STAB2: variants seen among roughly 807,000 people sequenced by gnomAD.
STAB2 encodes stabilin 2, also known as stabilin-2.
In STAB2, 288 loss-of-function variants were observed where a neutral mutation model predicts 338.1. The observed-to-expected ratio is 0.85, with a 90% confidence interval of 0.77 to 0.94. STAB2 has a LOEUF of 0.94. STAB2 is among the 40% of genes least tolerant of loss of function. The probability of loss-of-function intolerance (pLI) is 0.00; values close to 1 mark genes in which losing one functional copy is unlikely to be tolerated. For missense variants in STAB2, 3,141 were observed against 3,210.1 expected (o/e 0.98, Z 0.52); for synonymous variants, 1,202 against 1,193.3 (o/e 1.01, Z -0.15).
chr12:103,652,683 G>C lies in STAB2; in HGVS notation c.1385G>C (p.Gly462Ala). Residue 462 changes from glycine (G) to alanine (A), a missense_variant, in exon 12 of 69, where the codon GGG (glycine) becomes GCG (alanine). Transcript: ENST00000388887. ...TTCTACACCTTGACTGGAAAGTCGG[G>C]GGAAATCTTCAACAGCGATAAGGTA... ...DMFYTLTGKS[G>A]EIFNSDKDNQ... 1.2e-6 allele frequency: 2 copies of C among 1,600,258 alleles called. No homozygotes were observed. Among genetic ancestry groups the C allele is most frequent in the Non-Finnish European group, 1.7e-6 (2 of 1,174,486 alleles).
intron 44 of STAB2, among the ~76,000 whole-genome samples, chr12:103,718,700 GT>G: frequency 6.6e-6 from 1 of 152,316 alleles, no homozygotes; most frequent in East Asian, 1.9e-4. Flanking sequence ...GACATAGAGA[GT>G]TTTGAGAAGT....
intron 3 of STAB2, among the ~76,000 whole-genome samples, chr12:103,610,941 A>G (rs888840855): frequency 2.0e-5 from 3 of 152,196 alleles, no homozygotes; most frequent in Admixed American, 6.5e-5. Context: ...TCATTTCATT[A>G]TGTACCCAGT....
Position 103,668,178 on chromosome 12 carries a change from A to T in STAB2, c.2086-465A>T, listed in dbSNP as rs1375850007. Among the ~76,000 whole-genome samples, 3 of 152,350 alleles carry T rather than the reference A, an allele frequency of 2.0e-5. No individual in the cohort carries two copies. The East Asian group carries it at 5.8e-4, about 29-fold the overall frequency. On this transcript the variant is annotated intron_variant, in intron 19 of 68. Coordinates refer to ENST00000388887, the MANE Select transcript of STAB2 (RefSeq NM_017564.10). Reference sequence around the variant, plus strand: ...GGGCATTGTTGGTTAGAATGGAAGGATGCATATAAATCTGCCCCACTCCTA... The same window carrying T: ...GGGCATTGTTGGTTAGAATGGAAGGTTGCATATAAATCTGCCCCACTCCTA...
chr12:103,764,219 C>T (rs1207165227), intron 68 of STAB2, among the ~76,000 whole-genome samples: 1 of 152,222 alleles, frequency 6.6e-6, no homozygotes, highest in African/African-American at 2.4e-5. Context: ...TCCCAAAGTG[C>T]TGGGATTACA....
chr12:103,713,779 T>A lies in STAB2; in HGVS notation c.4537+11T>A. 6.2e-7 allele frequency: 1 copy of A among 1,613,174 alleles called. No individual in the cohort carries two copies. Among genetic ancestry groups the A allele is most frequent in the East Asian group, 2.2e-5 (1 of 44,844 alleles). ...GCATTGTGTGCCTGGGTAGGTGTCC[T>A]TCCCTCTTCCATCGGCGAAATGGTA... On this transcript the variant is annotated intron_variant, in intron 42 of 68. Coordinates refer to ENST00000388887, the MANE Select transcript of STAB2 (RefSeq NM_017564.10).
chr12:103,748,354 T>C (rs994595236), intron 58 of STAB2, among the ~76,000 whole-genome samples: 1 of 152,054 alleles, frequency 6.6e-6, no homozygotes, highest in Non-Finnish European at 1.5e-5. Context: ...TAATCTATCG[T>C]TGGGTCGATA....
chr12:103,623,066 G>C (rs1957327371), intron 5 of STAB2, among the ~76,000 whole-genome samples: 1 of 152,198 alleles, frequency 6.6e-6, no homozygotes, highest in Non-Finnish European at 1.5e-5. Flanking sequence ...ATAGAGATTT[G>C]AGTAACAAGT....
intron 3 of STAB2, 118 bp downstream of exon 3, chr12:103,594,628 CTG>C (rs2138540074): frequency 5.0e-6 from 4 of 804,144 alleles, no homozygotes; most frequent in South Asian, 4.8e-5. Flanking sequence ...GTAGAAATTT[CTG>C]TGTTAGTCTA....
intron 25 of STAB2, among the ~76,000 whole-genome samples, chr12:103,679,386 G>A (rs1876692713): frequency 2.0e-5 from 3 of 151,726 alleles, no homozygotes; most frequent in South Asian, 2.1e-4. Flanking sequence ...AAAAAAAAAA[G>A]GGGGGTCAAC....
At chr12:103,755,212 A>C (rs1884002833) in intron 61 of STAB2, 90 bp from the exon 62 acceptor site, 1 of 1,534,106 alleles carries the variant, frequency 6.5e-7, no homozygotes, top group African/African-American at 1.4e-5. Flanking sequence ...TATGGGTTTT[A>C]TGGCCTAATA....
intron 43 of STAB2, 28 bp downstream of exon 43, chr12:103,715,916 G>T: frequency 5.6e-6 from 9 of 1,612,850 alleles, no homozygotes; most frequent in Non-Finnish European, 7.6e-6. Flanking sequence ...CAGGCCCTTA[G>T]GTTTCCTAAA....
At chr12:103,740,539 A>T in intron 54 of STAB2, 91 bp from the exon 55 acceptor site, 1 of 1,511,736 alleles carries the variant, frequency 6.6e-7, no homozygotes, top group Non-Finnish European at 8.8e-7. Flanking sequence ...TTTGGGCAGT[A>T]CCTAAGACCT....
At position 103,636,191 on chromosome 12, in the gene STAB2, TC is replaced by T. The variant is rs565737805; in HGVS notation, c.584-914del. 5.3e-3 allele frequency among the ~76,000 whole-genome samples: 751 copies of T among 142,840 alleles called. 6 individuals carry two copies. Among genetic ancestry groups the T allele is most frequent in the Non-Finnish European group, 8.8e-3 (575 of 65,460 alleles). 93.7% of individuals were successfully genotyped at this position (142,840 alleles called of 152,430 possible). A position where few individuals can be genotyped will look rare whatever the true frequency, so the allele number is the denominator to read the frequency against. On this transcript the variant is annotated intron_variant, in intron 6 of 68. Coordinates refer to ENST00000388887, the MANE Select transcript of STAB2 (RefSeq NM_017564.10). ...TAGGTGTATCTCCTAATGCTATCCA[TC>T]CCCCCTCCCCCCACCCCACAACAGT...
intron 3 of STAB2, among the ~76,000 whole-genome samples, chr12:103,607,999 A>C (rs147131124): frequency 0.034 from 5,242 of 152,290 alleles, 185 homozygotes; most frequent in African/African-American, 0.09. Context: ...TTACAGTCCC[A>C]CCAACTGTGT....
intron 33 of STAB2, among the ~76,000 whole-genome samples, chr12:103,698,473 C>T (rs1878586739): frequency 6.6e-6 from 1 of 152,154 alleles, no homozygotes; most frequent in Non-Finnish European, 1.5e-5. Context: ...GAGCCCACCC[C>T]TAGCTCTGCC....
chr12:103,588,469 T>C (rs886066673), intron 1 of STAB2, among the ~76,000 whole-genome samples: 1 of 152,196 alleles, frequency 6.6e-6, no homozygotes, highest in Non-Finnish European at 1.5e-5. Context: ...GCTCCACAAA[T>C]GGTAGTAATT....
At chr12:103,727,168 T>G (rs1294962406) in intron 46 of STAB2, 99 bp from the exon 47 acceptor site, 1 of 1,257,234 alleles carries the variant, frequency 8.0e-7, no homozygotes, top group Non-Finnish European at 1.2e-6. Context: ...CATCCAGTCT[T>G]TGCTTCACCC....
At chr12:103,748,898 C>A in intron 58 of STAB2, 65 bp from the exon 59 acceptor site, 2 of 1,546,262 alleles carry the variant, frequency 1.3e-6, no homozygotes, top group Non-Finnish European at 1.8e-6. Flanking sequence ...TGCCCCATAC[C>A]CTGACCTGAA....
Position 103,705,644 on chromosome 12 carries a change from A to G in STAB2, c.3913A>G (p.Arg1305Gly), listed in dbSNP as rs775673665. The change falls in exon 37 of 69, where the codon AGG (arginine) becomes GGG (glycine). Residue 1305 changes from arginine (R) to glycine (G), a missense_variant. By Grantham distance (125) the Arg-to-Gly change is moderately radical. Transcript: ENST00000388887. Reference sequence around the variant, plus strand: ...TAATATTTCACAGGGTAATGAGAAGAGGAGATGCATCTATACCTCCTATTT... The same window carrying G: ...TAATATTTCACAGGGTAATGAGAAGGGGAGATGCATCTATACCTCCTATTT... ...FGTKSLGNEKRRCIYTSYFMG... is the reference protein window; with the variant it reads ...FGTKSLGNEKGRCIYTSYFMG... 1 of 1,614,194 alleles carries G rather than the reference A, an allele frequency of 6.2e-7. No individual in the cohort carries two copies. The highest frequency in any genetic ancestry group is 1.7e-5 in the Admixed American group (1 of 60,030).
Sources: allele counts gnomAD v4.1 joint callset (sites outside exome capture counted in the v4.1 genomes callset), GRCh38; gene constraint gnomAD v4.1.1; transcripts MANE v1.5; gene names NCBI Gene and HGNC (gene_info 2026-07-23, HGNC 2026-07-21).